Variants in INPP4B observed in about 807,000 individuals in gnomAD.
INPP4B encodes inositol polyphosphate-4-phosphatase type II B, also known as inositol polyphosphate 4-phosphatase type II.
In INPP4B, 55 loss-of-function variants were observed where a neutral mutation model predicts 122.5. That is an observed-to-expected ratio of 0.45 (90% CI 0.36 to 0.56). The LOEUF is 0.56. Among genes scored for constraint, INPP4B ranks in the 20% least tolerant of loss-of-function variants. INPP4B has a pLI of 0.00. For missense variants in INPP4B, 1,000 were observed against 1,097.7 expected, an observed-to-expected ratio of 0.91 and a Z score of 1.26; for synonymous variants, 403 against 388.7, an observed-to-expected ratio of 1.04 and a Z score of -0.43.
intron 11 of INPP4B, among the ~76,000 whole-genome samples, chr4:142,254,395 C>A (rs1374102803): frequency 7.0e-6 from 1 of 142,564 alleles, no homozygotes; most frequent in African/African-American, 2.5e-5. Context: ...TTCAGATGAT[C>A]AAATTACTCC....
At chr4:142,201,486 C>T (rs899991255) in intron 14 of INPP4B, among the ~76,000 whole-genome samples, 2 of 151,974 alleles carry the variant, frequency 1.3e-5, no homozygotes, top group African/African-American at 4.8e-5. Context: ...CATGGTTTAT[C>T]TCCTTTGGCC....
chr4:142,544,949 T>C (rs1041484065), intron 2 of INPP4B, among the ~76,000 whole-genome samples: 3 of 152,204 alleles, frequency 2.0e-5, no homozygotes, highest in Non-Finnish European at 4.4e-5. Flanking sequence ...ATATTTTATA[T>C]AGACACTGAG....
intron 7 of INPP4B, among the ~76,000 whole-genome samples, chr4:142,319,605 C>A (rs1348512066): frequency 6.6e-6 from 1 of 152,106 alleles, no homozygotes; most frequent in East Asian, 1.9e-4. Flanking sequence ...TAGTTCTCAC[C>A]AATGAAATGT....
At chr4:142,753,142 TCAACACA>T (rs1769982663) in intron 1 of INPP4B, among the ~76,000 whole-genome samples, 1 of 152,092 alleles carries the variant, frequency 6.6e-6, no homozygotes, top group Non-Finnish European at 1.5e-5. Context: ...TAAAAAATAC[TCAACACA>T]ATAGTTTTAT....
intron 2 of INPP4B, among the ~76,000 whole-genome samples, chr4:142,485,849 A>G (rs1205375957): frequency 1.3e-5 from 2 of 152,168 alleles, no homozygotes; most frequent in East Asian, 3.9e-4. Context: ...TAGCACTACG[A>G]ATAAGGCTAC....
intron 2 of INPP4B, among the ~76,000 whole-genome samples, chr4:142,659,323 G>A (rs1023056735): frequency 1.1e-4 from 16 of 151,622 alleles, no homozygotes; most frequent in Middle Eastern, 3.2e-3. Context: ...GAAGAATGGC[G>A]TGAACCCGGG....
At chr4:142,298,338 A>C (rs1323743706) in intron 9 of INPP4B, among the ~76,000 whole-genome samples, 1 of 152,102 alleles carries the variant, frequency 6.6e-6, no homozygotes, top group Non-Finnish European at 1.5e-5. Flanking sequence ...CTGTCATGAA[A>C]GGGGTCCAAG....
chr4:142,718,220 TTC>T (rs1764055302), intron 2 of INPP4B, among the ~76,000 whole-genome samples: 1 of 152,182 alleles, frequency 6.6e-6, no homozygotes, highest in Non-Finnish European at 1.5e-5. Flanking sequence ...GGAAACCCCA[TTC>T]TCTCTGTTTT....
chr4:142,209,923 C>T (rs1167548835), intron 12 of INPP4B, among the ~76,000 whole-genome samples: 1 of 151,720 alleles, frequency 6.6e-6, no homozygotes, highest in Non-Finnish European at 1.5e-5. Context: ...GTTGCTCCCT[C>T]TTTATCAAAA....
intron 2 of INPP4B, among the ~76,000 whole-genome samples, chr4:142,503,873 T>A (rs1039818434): frequency 1.3e-5 from 2 of 152,060 alleles, no homozygotes; most frequent in African/African-American, 4.8e-5. Context: ...TATTATTAAA[T>A]AAATATGCTG....
Position 142,182,324 on chromosome 4 carries a change from G to A in INPP4B, c.1182-8515C>T, listed in dbSNP as rs539819385. Reference sequence around the variant, plus strand: ...AGCACTTTGGGAGGCTGAGGTGGGCGGATCACGAGGTCAGGAGATTGAGAC... The same window carrying A: ...AGCACTTTGGGAGGCTGAGGTGGGCAGATCACGAGGTCAGGAGATTGAGAC... On this transcript the variant is annotated intron_variant, in intron 15 of 25. Coordinates refer to ENST00000262992, the MANE Select transcript of INPP4B (RefSeq NM_001101669.3). Among the ~76,000 whole-genome samples, 8 of 152,086 alleles carry A rather than the reference G, an allele frequency of 5.3e-5. No individual in the cohort carries two copies. In the South Asian group the frequency reaches 8.3e-4, roughly 16 times the overall value.
At chr4:142,558,888 G>A (rs1411777192) in intron 2 of INPP4B, among the ~76,000 whole-genome samples, 1 of 147,788 alleles carries the variant, frequency 6.8e-6, no homozygotes, top group African/African-American at 2.5e-5. Flanking sequence ...GGTGAAGACT[G>A]AACAATCACA....
chr4:142,260,471 A>C, intron 11 of INPP4B, 21 bp downstream of exon 11: 3 of 1,432,322 alleles, frequency 2.1e-6, no homozygotes, highest in Non-Finnish European at 2.9e-6. Flanking sequence ...GAAACTAAGT[A>C]TTTAAAACTG....
At chr4:142,029,570 GA>G in intron 25 of INPP4B, 1 of 985,490 alleles carries the variant, frequency 1.0e-6, no homozygotes, top group Non-Finnish European at 1.2e-6. Context: ...ACCCAAACAA[GA>G]GATACAAACA....
intron 1 of INPP4B, among the ~76,000 whole-genome samples, chr4:142,781,347 G>A (rs1774788154): frequency 6.6e-6 from 1 of 152,160 alleles, no homozygotes; most frequent in Admixed American, 6.5e-5. Flanking sequence ...CATAGGGAGG[G>A]CTCACCTCCC....
chr4:142,378,510 G>A (rs1389474436), intron 7 of INPP4B, among the ~76,000 whole-genome samples: 1 of 152,146 alleles, frequency 6.6e-6, no homozygotes, highest in Non-Finnish European at 1.5e-5. Context: ...CCAAGGGCAA[G>A]CAACTATTTA....
chr4:142,583,085 TTG>T (rs1735437246), intron 2 of INPP4B, among the ~76,000 whole-genome samples: 1 of 152,130 alleles, frequency 6.6e-6, no homozygotes, highest in African/African-American at 2.4e-5. Flanking sequence ...CCCAGTTTCT[TTG>T]TCATAAAAAT....
In INPP4B at chr4:142,156,241, T is replaced by C. The variant is rs1032478037; in HGVS notation, c.1563+4117A>G. ...AGAAGTTTCTTTTTTAACAATTGAT[T>C]TGAATAGAAGTAGGCAGATTTAGCC... is the stretch of plus-strand genomic sequence containing the variant. On this transcript the variant is annotated intron_variant, in intron 17 of 25. Transcript: ENST00000262992. 4.6e-5 allele frequency among the ~76,000 whole-genome samples: 7 copies of C among 151,924 alleles called. No individual in the cohort carries two copies. The East Asian group carries it at 1.2e-3, about 25-fold the overall frequency.
chr4:142,042,458 T>G (rs1354787139), intron 25 of INPP4B, among the ~76,000 whole-genome samples: 1 of 152,036 alleles, frequency 6.6e-6, no homozygotes, highest in African/African-American at 2.4e-5. Flanking sequence ...AATCTCTTGT[T>G]TTTAAACTTG....
Sources: allele counts gnomAD v4.1 joint callset (sites outside exome capture counted in the v4.1 genomes callset), GRCh38; gene constraint gnomAD v4.1.1; transcripts MANE v1.5; gene names NCBI Gene and HGNC (gene_info 2026-07-23, HGNC 2026-07-21).